The following SLC38A1 variants were observed in gnomAD, a reference collection of about 807,000 sequenced individuals.
The protein encoded by SLC38A1 is solute carrier family 38 member 1.
SLC38A1 carries 18 observed loss-of-function variants against 60.3 expected under a neutral mutation model. The observed-to-expected ratio is 0.30, with a 90% CI of 0.21 to 0.44. The LOEUF is 0.44. Among genes scored for constraint, SLC38A1 ranks in the 20% least tolerant of loss-of-function variants. The probability of loss-of-function intolerance (pLI) is 1.00; values close to 1 mark genes in which losing one functional copy is unlikely to be tolerated. For synonymous variants in SLC38A1, 196 were observed against 212.1 expected (o/e 0.92, Z 0.66); for missense variants, 448 against 587.2 (o/e 0.76, Z 2.45).
intron 7 of SLC38A1, 140 bp from the exon 8 acceptor site, chr12:46,207,376 G>T: frequency 9.6e-7 from 1 of 1,037,696 alleles, no homozygotes; most frequent in Non-Finnish European, 1.4e-6. Flanking sequence ...AGGATTTGTG[G>T]CTTTAAATAA....
Position 46,204,427 on chromosome 12 carries a change from A to G in SLC38A1, c.706-10T>C. ...ATTTCTTGTAAATAACCTGGTATTA[A>G]GAAGTATAGTAGAAGCAATATGGAC... On this transcript the variant is annotated splice_polypyrimidine_tract_variant and intron_variant, in intron 10 of 16. Transcript: ENST00000398637. The G allele has an allele frequency of 1.9e-6, 3 of 1,600,530 alleles. No individual in the cohort carries two copies. Among genetic ancestry groups the G allele is most frequent in the Non-Finnish European group, 2.6e-6 (3 of 1,167,794 alleles).
At chr12:46,263,078 T>C (rs1443097703) in intron 1 of SLC38A1, among the ~76,000 whole-genome samples, 2 of 152,164 alleles carry the variant, frequency 1.3e-5, no homozygotes, top group Non-Finnish European at 2.9e-5. Context: ...TAACAGGACA[T>C]TGGAACAAAC....
At chr12:46,256,610 C>T (rs956740052) in intron 1 of SLC38A1, among the ~76,000 whole-genome samples, 2 of 88,968 alleles carry the variant, frequency 2.2e-5, no homozygotes, top group African/African-American at 6.0e-5. Context: ...TGCGCGCGCG[C>T]GCGCACACAC....
chr12:46,249,192 C>T lies in SLC38A1; in HGVS notation c.-208-5878G>A, dbSNP rs918757633. On this transcript the variant is annotated intron_variant, in intron 1 of 16. Transcript: ENST00000398637. ...AAAAAAAAAGAAACTCACTCAAAAC[C>T]GCACAACTACATGGAAACTGAGCAA... Among the ~76,000 whole-genome samples, 11 of 141,232 alleles carry T rather than the reference C, an allele frequency of 7.8e-5. No homozygotes were observed. In the East Asian group the frequency reaches 8.3e-4, roughly 11 times the overall value. 92.7% of individuals were successfully genotyped at this position (141,232 alleles called of 152,430 possible). A position where few individuals can be genotyped will look rare whatever the true frequency, so the allele number is the denominator to read the frequency against.
At chr12:46,231,102 C>T (rs942406168) in intron 3 of SLC38A1, among the ~76,000 whole-genome samples, 16 of 137,748 alleles carry the variant, frequency 1.2e-4, no homozygotes, top group African/African-American at 3.6e-4. Context: ...ATGTATACCA[C>T]GGAATACTAT....
Position 46,197,729 on chromosome 12 carries a change from T to G in SLC38A1, c.1353A>C (p.Gln451His). ...CTGGCAAGAGACATACCCAAATTCT[T>G]TGAGTTCCTTTATCTCCATCCTGGT... ...ITDQDGDKGT[Q>H]RIWAALFLGL... Residue 451 changes from glutamine (Q) to histidine (H), a missense_variant, in exon 16 of 17, where the codon CAA (glutamine) becomes CAC (histidine). Gln to His is a conservative substitution (Grantham distance 24). Coordinates refer to ENST00000398637, the MANE Select transcript of SLC38A1 (RefSeq NM_030674.4). 1 of 1,584,080 alleles carries G rather than the reference T, an allele frequency of 6.3e-7. No individual in the cohort carries two copies.
rs1942449081 is a variant in SLC38A1, at chr12:46,268,781, C to T, written c.-464G>A. ...CGCCCCAGTCCGCGCTCGCCTGGCT[C>T]TCCTCCTTTCCGGGCCGATTGCATC... On this transcript the variant is annotated 5_prime_UTR_variant, in exon 1 of 17. Coordinates refer to ENST00000398637, the MANE Select transcript of SLC38A1 (RefSeq NM_030674.4). The surrounding 1 kb of genome is among the most constrained non-coding windows in gnomAD (Gnocchi z 4.4). 2.7e-6 allele frequency: 1 copy of T among 369,756 alleles called. No individual in the cohort carries two copies. The highest frequency in any genetic ancestry group is 2.1e-5 in the African/African-American group (1 of 47,914). The allele number at this position is 369,756 out of a possible 1,614,324, so 22.9% of individuals were successfully genotyped here.
chr12:46,241,528 G>T (rs1036188280), intron 2 of SLC38A1, among the ~76,000 whole-genome samples: 9 of 152,244 alleles, frequency 5.9e-5, no homozygotes, highest in African/African-American at 2.2e-4. Context: ...TCAGGGCAAG[G>T]CACTTCCTCA....
Position 46,184,123 on chromosome 12 carries a change from T to C in SLC38A1, c.*4847A>G, listed in dbSNP as rs146003865. 1 of 152,614 alleles carries C rather than the reference T, an allele frequency of 6.6e-6. No homozygotes were observed. The highest frequency in any genetic ancestry group is 1.5e-5 in the Non-Finnish European group (1 of 68,022). The allele number at this position is 152,614 out of a possible 1,614,324, so 9.5% of individuals were successfully genotyped here. ...CCCAGTTTCATAGCCCTTCCTTAGA[T>C]AAAAGCCTAAAGAAGGAAAATGTCT... On this transcript the variant is annotated 3_prime_UTR_variant, in exon 17 of 17. Coordinates refer to ENST00000398637, the MANE Select transcript of SLC38A1 (RefSeq NM_030674.4).
rs895959245 is a variant in SLC38A1, at chr12:46,259,368, T to C, written c.-209+9158A>G. 1.1e-4 allele frequency among the ~76,000 whole-genome samples: 17 copies of C among 152,316 alleles called. No individual in the cohort carries two copies. In the East Asian group the frequency reaches 3.3e-3, roughly 29 times the overall value. On this transcript the variant is annotated intron_variant, in intron 1 of 16. Coordinates refer to ENST00000398637, the MANE Select transcript of SLC38A1 (RefSeq NM_030674.4). ...CCTCAAACAGGCTAAACAGGTTAACTAAATGGTGAGGTATCCATACTGTTA... is the reference window on the plus strand; with the variant it reads ...CCTCAAACAGGCTAAACAGGTTAACCAAATGGTGAGGTATCCATACTGTTA...
chr12:46,255,992 C>G (rs1942006313), intron 1 of SLC38A1, among the ~76,000 whole-genome samples: 1 of 151,836 alleles, frequency 6.6e-6, no homozygotes, highest in African/African-American at 2.4e-5. Flanking sequence ...TGAAAGAAAC[C>G]CTGTCTCTAC....
At chr12:46,267,974 A>T (rs1169025463) in intron 1 of SLC38A1, among the ~76,000 whole-genome samples, 1 of 152,182 alleles carries the variant, frequency 6.6e-6, no homozygotes, top group African/African-American at 2.4e-5. Flanking sequence ...GGGGCAGAGC[A>T]CCAGGAAGGA....
chr12:46,207,328 T>C (rs2137210778), intron 7 of SLC38A1, 92 bp from the exon 8 acceptor site: 1 of 1,198,466 alleles, frequency 8.3e-7, no homozygotes, highest in Non-Finnish European at 1.2e-6. Context: ...TTAGACCAAC[T>C]GTCAGTAAGA....
At chr12:46,259,733 C>A (rs917547540) in intron 1 of SLC38A1, among the ~76,000 whole-genome samples, 1 of 152,042 alleles carries the variant, frequency 6.6e-6, no homozygotes, top group Non-Finnish European at 1.5e-5. Flanking sequence ...ATGGTTTAAC[C>A]TGTGCTTAAG....
At position 46,188,711 on chromosome 12, in the gene SLC38A1, G is replaced by C. The variant is rs1939021033; in HGVS notation, c.*259C>G. 4 of 330,212 alleles carry C rather than the reference G, an allele frequency of 1.2e-5. No homozygotes were observed. Among genetic ancestry groups the C allele is most frequent in the East Asian group, 9.7e-5 (2 of 20,624 alleles). 20.5% of individuals were successfully genotyped at this position (330,212 alleles called of 1,614,324 possible). On this transcript the variant is annotated 3_prime_UTR_variant, in exon 17 of 17. Coordinates refer to ENST00000398637, the MANE Select transcript of SLC38A1 (RefSeq NM_030674.4). ...AGAGTTAGATGGGTAAAAAATGATTGTGAAAAGTACTGGGAAATATGATTG... is the reference window on the plus strand; with the variant it reads ...AGAGTTAGATGGGTAAAAAATGATTCTGAAAAGTACTGGGAAATATGATTG...
intron 5 of SLC38A1, among the ~76,000 whole-genome samples, chr12:46,224,109 G>T (rs1018415589): frequency 1.3e-5 from 2 of 152,144 alleles, no homozygotes; most frequent in Non-Finnish European, 2.9e-5. Context: ...AGGAAGTTAT[G>T]GTGGCAGGAA....
In SLC38A1 at chr12:46,215,413, T is replaced by C. The variant is rs373634369; in HGVS notation, c.315-6286A>G. 7.9e-5 allele frequency among the ~76,000 whole-genome samples: 12 copies of C among 152,248 alleles called. No homozygotes were observed. In the East Asian group the frequency reaches 1.2e-3, roughly 15 times the overall value. ...TTCCTTTGGTTGACTTCCTCAAGCA[T>C]TACTTTTTTTTTTCTTGAGACAGAG... On this transcript the variant is annotated intron_variant, in intron 5 of 16. Coordinates refer to ENST00000398637, the MANE Select transcript of SLC38A1 (RefSeq NM_030674.4).
At chr12:46,193,297 A>G (rs1939223758) in intron 16 of SLC38A1, among the ~76,000 whole-genome samples, 1 of 152,190 alleles carries the variant, frequency 6.6e-6, no homozygotes, top group Non-Finnish European at 1.5e-5. Flanking sequence ...TCTAAGAGAC[A>G]GTTTGCTGTG....
Position 46,204,494 on chromosome 12 carries a change from A to G in SLC38A1, c.705+38T>C, listed in dbSNP as rs181057362. On this transcript the variant is annotated intron_variant, in intron 10 of 16. Coordinates refer to ENST00000398637, the MANE Select transcript of SLC38A1 (RefSeq NM_030674.4). ...AATAATTATTACATGCCATTGTACT[A>G]TCACAAAACCAAACCAACCATTGCA... 54 of 1,605,602 alleles carry G rather than the reference A, an allele frequency of 3.4e-5. No individual in the cohort carries two copies. In the Admixed American group the frequency reaches 5.2e-4, roughly 15 times the overall value.
Sources: allele counts gnomAD v4.1 joint callset (sites outside exome capture counted in the v4.1 genomes callset), GRCh38; gene constraint gnomAD v4.1.1; non-coding constraint Gnocchi (gnomAD v3.1); transcripts MANE v1.5; gene names NCBI Gene and HGNC (gene_info 2026-07-23, HGNC 2026-07-21).